Variants in KIAA1217 observed in about 807,000 individuals in gnomAD.
KIAA1217 encodes the protein KIAA1217.
KIAA1217 carries 88 observed loss-of-function variants against 163.9 expected under a neutral mutation model. The observed-to-expected ratio is 0.54, with a 90% CI of 0.45 to 0.64. The LOEUF (loss-of-function observed/expected upper bound fraction) is 0.64, where lower values mean the gene tolerates loss of function less well. Among genes scored for constraint, KIAA1217 ranks in the 30% least tolerant of loss-of-function variants. The probability of loss-of-function intolerance (pLI) is 0.00; values close to 1 mark genes in which losing one functional copy is unlikely to be tolerated. For missense variants in KIAA1217, 2,372 were observed against 2,475.0 expected, an observed-to-expected ratio of 0.96 and a Z score of 0.88; for synonymous variants, 903 against 923.1, an observed-to-expected ratio of 0.98 and a Z score of 0.39.
At chr10:23,811,176 T>C (rs1837029292) in intron 1 of KIAA1217, among the ~76,000 whole-genome samples, 1 of 142,216 alleles carries the variant, frequency 7.0e-6, no homozygotes, top group African/African-American at 2.6e-5. Context: ...ACTATACATA[T>C]ATACTATACT....
intron 3 of KIAA1217, among the ~76,000 whole-genome samples, chr10:24,391,177 G>A (rs1456734930): frequency 6.6e-6 from 1 of 152,088 alleles, no homozygotes; most frequent in Non-Finnish European, 1.5e-5. Context: ...ATGGCCTGAA[G>A]TGAGGAGAAG....
rs909672260 is a variant in KIAA1217, at chr10:23,695,350, G to C, written c.-321+116G>C. 1 of 152,292 alleles carries C rather than the reference G, an allele frequency of 6.6e-6. No homozygotes were observed. Among genetic ancestry groups the C allele is most frequent in the African/African-American group, 2.4e-5 (1 of 41,470 alleles). The allele number at this position is 152,292 out of a possible 1,614,324, so 9.4% of individuals were successfully genotyped here. On this transcript the variant is annotated intron_variant, in intron 1 of 18. Transcript: ENST00000376462. The surrounding 1 kb of genome is among the most constrained non-coding windows in gnomAD (Gnocchi z 4.9). Reference sequence around the variant, plus strand: ...GGGGAGACTTACAAGGGAGCCTTGCGCGGGAGAGCAAGTGAGCGTTTCGAG... The same window carrying C: ...GGGGAGACTTACAAGGGAGCCTTGCCCGGGAGAGCAAGTGAGCGTTTCGAG...
intron 20 of KIAA1217, 97 bp from the exon 21 acceptor site, chr10:24,545,726 TTTGA>T: frequency 6.6e-7 from 1 of 1,514,874 alleles, no homozygotes; most frequent in Non-Finnish European, 8.8e-7. Flanking sequence ...GTTGGTTTTC[TTTGA>T]TTGAATTATT....
intron 2 of KIAA1217, among the ~76,000 whole-genome samples, chr10:24,043,980 G>A (rs1307690047): frequency 1.3e-5 from 2 of 152,004 alleles, no homozygotes; most frequent in Admixed American, 6.6e-5. Flanking sequence ...ACATATTTTT[G>A]TAAATAAATA....
intron 1 of KIAA1217, among the ~76,000 whole-genome samples, chr10:23,827,803 A>G (rs1254368423): frequency 6.6e-6 from 1 of 152,236 alleles, no homozygotes; most frequent in Non-Finnish European, 1.5e-5. Context: ...GTAACGGCAC[A>G]TGCAAAGCCA....
At chr10:23,847,059 C>G (rs1005474527) in intron 1 of KIAA1217, among the ~76,000 whole-genome samples, 2 of 152,126 alleles carry the variant, frequency 1.3e-5, no homozygotes, top group African/African-American at 2.4e-5. Context: ...ATATGTTGAA[C>G]CACCCTTGCC....
intron 1 of KIAA1217, among the ~76,000 whole-genome samples, chr10:23,828,712 T>C (rs1411960522): frequency 1.3e-5 from 2 of 152,184 alleles, no homozygotes; most frequent in Non-Finnish European, 2.9e-5. Context: ...CCCTCTAAGA[T>C]ATGCTGTATG....
At chr10:24,446,866 G>T (rs540240687) in intron 5 of KIAA1217, among the ~76,000 whole-genome samples, 1 of 152,336 alleles carries the variant, frequency 6.6e-6, no homozygotes, top group Admixed American at 6.5e-5. Flanking sequence ...CTAAAGAGAA[G>T]TGGAGCTGAA....
intron 1 of KIAA1217, among the ~76,000 whole-genome samples, chr10:23,800,814 G>T (rs565639094): frequency 2.0e-5 from 3 of 152,146 alleles, no homozygotes; most frequent in African/African-American, 7.2e-5. Context: ...TCACTAAAAC[G>T]TCAGGAAACA....
chr10:23,934,560 T>TATAC, intron 1 of KIAA1217, among the ~76,000 whole-genome samples: 1 of 8,718 alleles, frequency 1.1e-4, no homozygotes, highest in South Asian at 4.6e-3. Context: ...CTTTAAAGTA[T>TATAC]ATATATATAT....
chr10:24,067,965 GT>G (rs1411972982), intron 2 of KIAA1217, among the ~76,000 whole-genome samples: 1 of 148,338 alleles, frequency 6.7e-6, no homozygotes, highest in Non-Finnish European at 1.5e-5. Context: ...TAATCTCCTG[GT>G]GTGCCGTTTG....
chr10:24,197,344 A>G (rs540816644), intron 2 of KIAA1217, among the ~76,000 whole-genome samples: 2 of 152,332 alleles, frequency 1.3e-5, no homozygotes, highest in East Asian at 1.9e-4. Flanking sequence ...TGACTTATGG[A>G]AAAAAGATGG....
chr10:24,169,041 C>T (rs939347095), intron 2 of KIAA1217, among the ~76,000 whole-genome samples: 1 of 152,184 alleles, frequency 6.6e-6, no homozygotes, highest in Non-Finnish European at 1.5e-5. Context: ...GAGAACCAGG[C>T]AGGAAGTGCA....
At chr10:24,519,326 C>T (rs1458900431) in intron 10 of KIAA1217, among the ~76,000 whole-genome samples, 1 of 152,296 alleles carries the variant, frequency 6.6e-6, no homozygotes, top group Admixed American at 6.5e-5. Flanking sequence ...GACCTCGTCT[C>T]CGATCTCCGT....
chr10:24,024,502 G>A (rs1847861661), intron 2 of KIAA1217, among the ~76,000 whole-genome samples: 1 of 151,642 alleles, frequency 6.6e-6, no homozygotes, highest in Admixed American at 6.6e-5. Context: ...TTTGATTTAA[G>A]GCTTTGTAAA....
At chr10:24,149,092 A>G (rs2064477478) in intron 2 of KIAA1217, among the ~76,000 whole-genome samples, 1 of 152,226 alleles carries the variant, frequency 6.6e-6, no homozygotes, top group African/African-American at 2.4e-5. Context: ...TGAATTTTAC[A>G]GAAATATATG....
chr10:24,365,712 A>AT (rs912555099), intron 2 of KIAA1217, among the ~76,000 whole-genome samples: 3 of 151,698 alleles, frequency 2.0e-5, no homozygotes, highest in Non-Finnish European at 2.9e-5. Flanking sequence ...TTATTTATTT[A>AT]TTTTTTTAAC....
At chr10:24,429,380 A>T (rs188383091) in intron 3 of KIAA1217, among the ~76,000 whole-genome samples, 1 of 152,264 alleles carries the variant, frequency 6.6e-6, no homozygotes, top group East Asian at 1.9e-4. Flanking sequence ...GAACATTCTT[A>T]TAATATTGTT....
At chr10:23,759,876 C>T (rs748521934) in intron 1 of KIAA1217, among the ~76,000 whole-genome samples, 6 of 152,162 alleles carry the variant, frequency 3.9e-5, no homozygotes, top group Non-Finnish European at 8.8e-5. Flanking sequence ...GTTTCTATAT[C>T]CACACCTACA....
Sources: gnomAD v4.1 joint callset for allele counts (sites outside exome capture counted in the v4.1 genomes callset) on GRCh38, gnomAD v4.1.1 for gene constraint, Gnocchi (gnomAD v3.1) non-coding constraint, MANE v1.5 for transcripts, NCBI Gene and HGNC (gene_info 2026-07-23, HGNC 2026-07-21) for gene names.